The following TEX9 variants were observed in gnomAD, a reference collection of about 807,000 sequenced individuals.
The protein encoded by TEX9 is testis-expressed protein 9.
In TEX9, 74 loss-of-function variants were observed where a neutral mutation model predicts 59.6. The observed-to-expected ratio is 1.24, with a 90% confidence interval of 1.03 to 1.51. The LOEUF is 1.51. TEX9 is among the 40% of genes most tolerant of loss of function. The probability of loss-of-function intolerance (pLI) is 0.00; values close to 1 mark genes in which losing one functional copy is unlikely to be tolerated. For missense variants in TEX9, 522 were observed against 447.8 expected, an observed-to-expected ratio of 1.17 and a Z score of -1.49; for synonymous variants, 186 against 152.2, an observed-to-expected ratio of 1.22 and a Z score of -1.64.
intron 1 of TEX9, among the ~76,000 whole-genome samples, chr15:56,295,757 C>T (rs1347325761): frequency 6.6e-6 from 1 of 152,196 alleles, no homozygotes; most frequent in African/African-American, 2.4e-5. Flanking sequence ...GCTCATTCCT[C>T]TGTGTTATCC....
At chr15:56,328,137 G>C (rs2046064366) in intron 1 of TEX9, among the ~76,000 whole-genome samples, 1 of 151,834 alleles carries the variant, frequency 6.6e-6, no homozygotes, top group Non-Finnish European at 1.5e-5. Flanking sequence ...TTGCATCATG[G>C]ATACCAGCTC....
intron 2 of TEX9, among the ~76,000 whole-genome samples, chr15:56,366,400 A>G (rs537978569): frequency 1.2e-4 from 18 of 152,126 alleles, no homozygotes; most frequent in Non-Finnish European, 2.6e-4. Flanking sequence ...TTTTAGTTCC[A>G]AAAACTCTTC....
chr15:56,302,361 A>ACACACG (rs58002635), intron 1 of TEX9, among the ~76,000 whole-genome samples: 39 of 149,730 alleles, frequency 2.6e-4, no homozygotes, highest in South Asian at 6.3e-4. Context: ...ACACACACAC[A>ACACACG]CGAACATAAA....
chr15:56,440,552 T>C (rs550627946), intron 12 of TEX9, among the ~76,000 whole-genome samples: 5 of 152,164 alleles, frequency 3.3e-5, no homozygotes, highest in East Asian at 1.9e-4. Flanking sequence ...GAGCTAAATA[T>C]TGGAAGCATT....
chr15:56,315,982 G>A (rs533233956), intron 1 of TEX9, among the ~76,000 whole-genome samples: 31 of 151,652 alleles, frequency 2.0e-4, no homozygotes, highest in South Asian at 1.9e-3. Context: ...TAGCTCTCGA[G>A]CCTTGGTTTT....
At chr15:56,408,034 AC>A (rs2049161659) in intron 9 of TEX9, among the ~76,000 whole-genome samples, 2 of 152,220 alleles carry the variant, frequency 1.3e-5, no homozygotes, top group Admixed American at 6.5e-5. Flanking sequence ...TCATTAGTGT[AC>A]AGACATTTCA....
chr15:56,349,515 T>C (rs2046534973), intron 1 of TEX9, among the ~76,000 whole-genome samples: 1 of 152,168 alleles, frequency 6.6e-6, no homozygotes, highest in African/African-American at 2.4e-5. Flanking sequence ...GGGTTTTCTA[T>C]GAGTATTTTA....
At chr15:56,360,547 G>A (rs1246610367), upstream of TEX9, among the ~76,000 whole-genome samples, 1 of 152,060 alleles carries the variant, frequency 6.6e-6, no homozygotes, top group African/African-American at 2.4e-5. Context: ...GACAATTGAT[G>A]ACTTATTTTC....
chr15:56,254,417 T>G (rs1284289839), intron 1 of TEX9, among the ~76,000 whole-genome samples: 2 of 151,814 alleles, frequency 1.3e-5, no homozygotes, highest in Admixed American at 1.3e-4. Flanking sequence ...TTCTTTTGCT[T>G]GTAATTGTCC....
intron 1 of TEX9, among the ~76,000 whole-genome samples, chr15:56,329,223 G>C (rs2046090148): frequency 6.6e-6 from 1 of 152,180 alleles, no homozygotes; most frequent in Non-Finnish European, 1.5e-5. Context: ...CAACATTACA[G>C]GGCTTGGAGT....
intron 1 of TEX9, among the ~76,000 whole-genome samples, chr15:56,307,806 A>G (rs1348262881): frequency 2.6e-5 from 4 of 152,150 alleles, no homozygotes; most frequent in Non-Finnish European, 5.9e-5. Context: ...GGATTTGCCT[A>G]TTCTGGACAT....
At chr15:56,456,626 A>G in the TEX9 span, 1 of 1,070,356 alleles carries the variant, frequency 9.3e-7, no homozygotes. Flanking sequence ...AAGGCCAACA[A>G]TTGATGATGT....
At chr15:56,280,612 A>G (rs2682070) in intron 1 of TEX9, among the ~76,000 whole-genome samples, 53,138 of 152,094 alleles carry the variant, frequency 0.35, 10,668 homozygotes, top group Non-Finnish European at 0.45. Flanking sequence ...TTTATAGGGA[A>G]ATGAAACTTC....
intron 1 of TEX9, among the ~76,000 whole-genome samples, chr15:56,266,014 C>A (rs2044371254): frequency 6.6e-6 from 1 of 152,042 alleles, no homozygotes; most frequent in African/African-American, 2.4e-5. Context: ...TATCTAATAC[C>A]TTTTATTCTG....
intron 1 of TEX9, among the ~76,000 whole-genome samples, chr15:56,254,409 C>G (rs76185778): frequency 0.017 from 2,657 of 151,934 alleles, 38 homozygotes; most frequent in South Asian, 0.027. Flanking sequence ...ACATTCCCTT[C>G]TTTTGCTTGT....
chr15:56,358,547 A>T (rs1193853600), intron 1 of TEX9, among the ~76,000 whole-genome samples: 1 of 152,158 alleles, frequency 6.6e-6, no homozygotes, highest in African/African-American at 2.4e-5. Flanking sequence ...TATTATTACG[A>T]TCTTACATTA....
At chr15:56,454,030 T>G in the TEX9 span, among the ~76,000 whole-genome samples, 1 of 152,148 alleles carries the variant, frequency 6.6e-6, no homozygotes, top group Admixed American at 6.5e-5. Flanking sequence ...CAGTGAAAAT[T>G]TTAATATGGC....
At chr15:56,246,253 T>C (rs1320653692) in intron 1 of TEX9, among the ~76,000 whole-genome samples, 1 of 152,110 alleles carries the variant, frequency 6.6e-6, no homozygotes, top group East Asian at 1.9e-4. Context: ...CGGAGTGTGG[T>C]GGTAAACCTT....
At chr15:56,283,198 A>G (rs945058579) in intron 1 of TEX9, among the ~76,000 whole-genome samples, 1 of 152,026 alleles carries the variant, frequency 6.6e-6, no homozygotes, top group East Asian at 1.9e-4. Context: ...TTTTTGCTTT[A>G]TATCCTTTAT....
Sources: allele counts gnomAD v4.1 joint callset (sites outside exome capture counted in the v4.1 genomes callset), GRCh38; gene constraint gnomAD v4.1.1; transcripts MANE v1.5; gene names NCBI Gene and HGNC (gene_info 2026-07-23, HGNC 2026-07-21).